ATP6V0E1: variants seen among roughly 807,000 people sequenced by gnomAD.
ATP6V0E1 encodes the protein V-type proton ATPase subunit e 1.
A neutral mutation model predicts 11.6 loss-of-function variants in ATP6V0E1; 4 were observed. The observed-to-expected ratio is 0.35, with a 90% CI of 0.17 to 0.79. The LOEUF (loss-of-function observed/expected upper bound fraction) is 0.79. Among genes scored for constraint, ATP6V0E1 ranks in the 30% least tolerant of loss-of-function variants. ATP6V0E1 has a pLI of 0.54. For synonymous variants in ATP6V0E1, 36 were observed against 34.8 expected, an observed-to-expected ratio of 1.04 and a Z score of -0.13; for missense variants, 105 against 100.0, an observed-to-expected ratio of 1.05 and a Z score of -0.21.
At chr5:173,017,585 G>A (rs997609049) in intron 2 of ATP6V0E1, among the ~76,000 whole-genome samples, 61 of 148,836 alleles carry the variant, frequency 4.1e-4, no homozygotes, top group Non-Finnish European at 6.8e-4. Flanking sequence ...GCTCACGCCT[G>A]TAATCCCAGC....
At position 172,986,873 on chromosome 5, in the gene ATP6V0E1, C is replaced by T. The variant is rs554366631; in HGVS notation, c.104+2909C>T. On this transcript the variant is annotated intron_variant, in intron 1 of 3. Transcript: ENST00000519374. ...CGTGATACTGGCTCACTGCACCCTC[C>T]GCCTCCTGGGTTCAAGCAATTCTCC... The T allele has an allele frequency of 1.2e-3, 412 of 333,718 alleles. 3 individuals are homozygous for T. The highest frequency in any genetic ancestry group is 7.4e-3 in the South Asian group (334 of 44,866). 20.7% of individuals were successfully genotyped at this position (333,718 alleles called of 1,614,324 possible).
chr5:173,000,484 A>T (rs1246689933), intron 2 of ATP6V0E1, among the ~76,000 whole-genome samples: 2 of 152,180 alleles, frequency 1.3e-5, no homozygotes, highest in Non-Finnish European at 2.9e-5. Context: ...TTCTTGGAAA[A>T]CATGCTGTGT....
intron 2 of ATP6V0E1, among the ~76,000 whole-genome samples, chr5:173,009,653 G>T (rs1756287478): frequency 6.6e-6 from 1 of 151,138 alleles, no homozygotes; most frequent in Non-Finnish European, 1.5e-5. Context: ...AGTAGAGACA[G>T]AGTTTTTCCA....
chr5:173,016,013 C>A (rs1756393075), intron 2 of ATP6V0E1, among the ~76,000 whole-genome samples: 1 of 152,212 alleles, frequency 6.6e-6, no homozygotes, highest in African/African-American at 2.4e-5. Context: ...CGTGAGCCAC[C>A]ATGCCCAGAT....
intron 3 of ATP6V0E1, among the ~76,000 whole-genome samples, chr5:173,030,039 C>T (rs1236576667): frequency 6.6e-6 from 1 of 152,234 alleles, no homozygotes; most frequent in Non-Finnish European, 1.5e-5. Flanking sequence ...ATTCCTTCTG[C>T]TTTCTTGCCT....
At chr5:173,024,882 C>T (rs1488840650) in intron 3 of ATP6V0E1, among the ~76,000 whole-genome samples, 4 of 142,240 alleles carry the variant, frequency 2.8e-5, no homozygotes, top group South Asian at 2.2e-4. Flanking sequence ...CTCGCTCTGA[C>T]GCCAGGCTGG....
intron 3 of ATP6V0E1, among the ~76,000 whole-genome samples, chr5:173,027,048 A>G (rs1581636946): frequency 6.6e-6 from 1 of 151,232 alleles, no homozygotes; most frequent in African/African-American, 2.4e-5. Flanking sequence ...GCGTGGTGGC[A>G]GACGCCTGTA....
Position 173,012,327 on chromosome 5 carries a change from T to C in ATP6V0E1, c.153-7911T>C, listed in dbSNP as rs541922371. ...GAACTGTGGTTTCTTGTTTTTTTTTTCTTAAGTGAGATGTGTGCGTGTGTG... is the reference window on the plus strand; with the variant it reads ...GAACTGTGGTTTCTTGTTTTTTTTTCCTTAAGTGAGATGTGTGCGTGTGTG... On this transcript the variant is annotated intron_variant, in intron 2 of 3. Coordinates refer to ENST00000519374, the MANE Select transcript of ATP6V0E1 (RefSeq NM_003945.4). Among the ~76,000 whole-genome samples, 6 of 152,128 alleles carry C rather than the reference T, an allele frequency of 3.9e-5. No individual in the cohort carries two copies. In the East Asian group the frequency reaches 9.7e-4, roughly 25 times the overall value.
At chr5:173,033,312 C>G (rs968820590) in intron 3 of ATP6V0E1, among the ~76,000 whole-genome samples, 1 of 152,128 alleles carries the variant, frequency 6.6e-6, no homozygotes, top group Non-Finnish European at 1.5e-5. Context: ...ATCTTCCCGC[C>G]TTGGCGTCCC....
chr5:172,996,723 C>A (rs774099384), intron 2 of ATP6V0E1, among the ~76,000 whole-genome samples: 5 of 152,096 alleles, frequency 3.3e-5, no homozygotes, highest in Non-Finnish European at 7.4e-5. Flanking sequence ...CAAAGGCATT[C>A]CAATTTGAGA....
At chr5:172,996,705 T>A (rs1158278416) in intron 2 of ATP6V0E1, among the ~76,000 whole-genome samples, 1 of 152,132 alleles carries the variant, frequency 6.6e-6, no homozygotes, top group Admixed American at 6.6e-5. Context: ...TATAGAAGCA[T>A]CTGTCTTCAA....
At chr5:173,018,114 A>G (rs1408914548) in intron 2 of ATP6V0E1, among the ~76,000 whole-genome samples, 2 of 152,152 alleles carry the variant, frequency 1.3e-5, no homozygotes, top group Admixed American at 1.3e-4. Flanking sequence ...TAACTTTTGA[A>G]TCCCCCCAGA....
At chr5:172,986,071 C>T (rs953739770) in intron 1 of ATP6V0E1, among the ~76,000 whole-genome samples, 2 of 152,090 alleles carry the variant, frequency 1.3e-5, no homozygotes, top group African/African-American at 4.8e-5. Context: ...TAAAATGGTC[C>T]ACCTGTGTAG....
At chr5:173,018,457 A>G (rs1223547720) in intron 2 of ATP6V0E1, among the ~76,000 whole-genome samples, 1 of 152,148 alleles carries the variant, frequency 6.6e-6, no homozygotes, top group African/African-American at 2.4e-5. Context: ...ACAGGCAGGC[A>G]TATGAGCAGG....
intron 3 of ATP6V0E1, among the ~76,000 whole-genome samples, chr5:173,028,011 A>T (rs911365405): frequency 2.0e-5 from 3 of 152,156 alleles, no homozygotes; most frequent in Non-Finnish European, 4.4e-5. Context: ...TTATCTGCTT[A>T]TTCTTTTCAC....
At chr5:173,029,899 C>T (rs1756624107) in intron 3 of ATP6V0E1, among the ~76,000 whole-genome samples, 1 of 152,180 alleles carries the variant, frequency 6.6e-6, no homozygotes, top group Non-Finnish European at 1.5e-5. Context: ...ACTACTTTCC[C>T]CTCCAGGCCC....
At position 173,032,353 on chromosome 5, in the gene ATP6V0E1, T is replaced by A. The variant is rs186105663; in HGVS notation, c.*37-2046T>A. ...CCCAGGCTGGAGTCCAATGGTGTGATCTCAGCTCACTGCAACCTCCGCCTC... is the reference window on the plus strand; with the variant it reads ...CCCAGGCTGGAGTCCAATGGTGTGAACTCAGCTCACTGCAACCTCCGCCTC... On this transcript the variant is annotated intron_variant, in intron 3 of 3. Transcript: ENST00000519374. 5.9e-3 allele frequency among the ~76,000 whole-genome samples: 893 copies of A among 151,518 alleles called. 8 individuals are homozygous for A. The highest frequency in any genetic ancestry group is 0.03 in the South Asian group (141 of 4,770).
chr5:173,021,999 C>T (rs993654749), intron 3 of ATP6V0E1, among the ~76,000 whole-genome samples: 1 of 152,220 alleles, frequency 6.6e-6, no homozygotes, highest in African/African-American at 2.4e-5. Context: ...CGCGCCACTG[C>T]ACTCCAGCCT....
At chr5:172,998,952 C>T (rs192451898) in intron 2 of ATP6V0E1, among the ~76,000 whole-genome samples, 1 of 152,190 alleles carries the variant, frequency 6.6e-6, no homozygotes, top group African/African-American at 2.4e-5. Flanking sequence ...TCCTGGCCAA[C>T]ACGGTGAAAC....
Sources: gnomAD v4.1 joint callset for allele counts (sites outside exome capture counted in the v4.1 genomes callset) on GRCh38, gnomAD v4.1.1 for gene constraint, MANE v1.5 for transcripts, NCBI Gene and HGNC (gene_info 2026-07-23, HGNC 2026-07-21) for gene names.